The following FAF2 variants were observed in gnomAD, a reference collection of about 807,000 sequenced individuals.
FAF2 encodes the protein Fas associated factor family member 2.
In FAF2, 9 loss-of-function variants were observed where a neutral mutation model predicts 62.3. That is an observed-to-expected ratio of 0.14 (90% CI 0.09 to 0.25). The LOEUF is 0.25. Ranked by LOEUF, FAF2 falls within the 10% of genes least tolerant of loss-of-function variation. FAF2 has a pLI of 1.00. For missense variants in FAF2, 368 were observed against 556.2 expected, an observed-to-expected ratio of 0.66 and a Z score of 3.40; for synonymous variants, 202 against 198.0, an observed-to-expected ratio of 1.02 and a Z score of -0.17.
At chr5:176,461,872 C>G (rs1354404662) in intron 1 of FAF2, among the ~76,000 whole-genome samples, 1 of 152,134 alleles carries the variant, frequency 6.6e-6, no homozygotes, top group Non-Finnish European at 1.5e-5. Context: ...AAATTCTTTG[C>G]CAAGACCAAT....
chr5:176,454,577 G>GAAAAAAAAAAAAAAAAAA (rs56324116), intron 1 of FAF2, among the ~76,000 whole-genome samples: 2 of 95,326 alleles, frequency 2.1e-5, no homozygotes, highest in African/African-American at 4.3e-5. Flanking sequence ...GATTCTGTCT[G>GAAAAAAAAAAAAAAAAAA]AAAAAAAAAA....
chr5:176,477,059 C>T (rs1346411585), intron 1 of FAF2, among the ~76,000 whole-genome samples: 34 of 150,774 alleles, frequency 2.3e-4, no homozygotes, highest in Admixed American at 9.3e-4. Context: ...CCGCCCGCCT[C>T]GGCCTCCCAA....
chr5:176,459,454 A>G (rs1268373632), intron 1 of FAF2, among the ~76,000 whole-genome samples: 1 of 151,778 alleles, frequency 6.6e-6, no homozygotes, highest in Non-Finnish European at 1.5e-5. Flanking sequence ...TTGTAGAGAC[A>G]TGGTCTCATT....
intron 1 of FAF2, among the ~76,000 whole-genome samples, chr5:176,467,339 G>A (rs114935968): frequency 1.3e-5 from 2 of 151,236 alleles, no homozygotes; most frequent in African/African-American, 4.9e-5. Flanking sequence ...GGTTTTTTTT[G>A]GTTTTTTTTT....
rs763875090 is a variant in FAF2 at position 176,448,413 on chromosome 5, G to A, written c.6G>A (p.Ala2=). The change falls in exon 1 of 11, where the codon GCG becomes GCA. Residue 2 remains alanine (A), a synonymous_variant. Transcript: ENST00000261942. M[A]APEERDLTQE... ...AGCGTAGAGGCGGCGGCAAAATGGC[G>A]GCGCCTGAGGAGCGGGATCTAACCC... 1.7e-5 allele frequency: 27 copies of A among 1,605,964 alleles called. No individual in the cohort carries two copies. The South Asian group carries it at 2.8e-4, about 17-fold the overall frequency.
chr5:176,496,414 T>C (rs538717974), intron 7 of FAF2, 72 bp from the exon 8 acceptor site: 5 of 1,224,206 alleles, frequency 4.1e-6, no homozygotes, highest in Admixed American at 5.3e-5. Flanking sequence ...CTCTCACTCA[T>C]TGTGGAAAGT....
intron 10 of FAF2, among the ~76,000 whole-genome samples, chr5:176,500,453 T>G (rs1276385084): frequency 6.6e-6 from 1 of 152,182 alleles, no homozygotes; most frequent in African/African-American, 2.4e-5. Flanking sequence ...TGTTTGAAGA[T>G]GGGAGGCTCT....
intron 1 of FAF2, among the ~76,000 whole-genome samples, chr5:176,449,636 A>G (rs1758131061): frequency 6.6e-6 from 1 of 152,178 alleles, no homozygotes; most frequent in African/African-American, 2.4e-5. Flanking sequence ...TATGGATGTT[A>G]GAAGGGCCTT....
chr5:176,498,902 A>C lies in FAF2; in HGVS notation c.840-12A>C. 6.5e-7 allele frequency: 1 copy of C among 1,541,718 alleles called. No individual in the cohort carries two copies. The highest frequency in any genetic ancestry group is 8.8e-7 in the Non-Finnish European group (1 of 1,141,926). Reference sequence around the variant, plus strand: ...TGCTGTTTTTCTTCTCTTGCTTTTGATCTATTCACAGGGAAGAAAGAAACC... The same window carrying C: ...TGCTGTTTTTCTTCTCTTGCTTTTGCTCTATTCACAGGGAAGAAAGAAACC... On this transcript the variant is annotated splice_polypyrimidine_tract_variant and intron_variant, in intron 8 of 10. Coordinates refer to ENST00000261942, the MANE Select transcript of FAF2 (RefSeq NM_014613.3).
At chr5:176,471,375 CTTTTTTTTTTTTT>C (rs138149987) in intron 1 of FAF2, among the ~76,000 whole-genome samples, 1 of 97,624 alleles carries the variant, frequency 1.0e-5, no homozygotes, top group African/African-American at 4.1e-5. Flanking sequence ...TCTGTACATT[CTTTTTTTTTTTTT>C]TTTTTTTTTT....
intron 10 of FAF2, among the ~76,000 whole-genome samples, chr5:176,503,471 C>T (rs1755627554): frequency 6.6e-6 from 1 of 151,418 alleles, no homozygotes; most frequent in African/African-American, 2.4e-5. Flanking sequence ...TGCAGAATCG[C>T]TTGAACCTGG....
intron 3 of FAF2, among the ~76,000 whole-genome samples, chr5:176,488,565 G>A (rs777115876): frequency 6.6e-5 from 10 of 151,928 alleles, no homozygotes; most frequent in Admixed American, 2.0e-4. Context: ...TGGGACTACA[G>A]GTGCATGCCA....
intron 1 of FAF2, among the ~76,000 whole-genome samples, chr5:176,456,978 G>A (rs780275506): frequency 2.0e-5 from 3 of 152,148 alleles, no homozygotes; most frequent in Admixed American, 1.3e-4. Flanking sequence ...GACAAGTACA[G>A]ACACTTATTA....
chr5:176,464,609 C>A (rs964103836), intron 1 of FAF2, among the ~76,000 whole-genome samples: 1 of 151,434 alleles, frequency 6.6e-6, no homozygotes, highest in African/African-American at 2.4e-5. Context: ...CCTCCCACAT[C>A]AGCCTCCCAA....
At chr5:176,498,781 C>A in intron 8 of FAF2, 133 bp from the exon 9 acceptor site, 1 of 758,152 alleles carries the variant, frequency 1.3e-6, no homozygotes, top group Non-Finnish European at 1.9e-6. Flanking sequence ...TCCCTTATGG[C>A]AGTGTGAAAT....
At chr5:176,499,363 A>G (rs918448867) in intron 9 of FAF2, among the ~76,000 whole-genome samples, 2 of 152,250 alleles carry the variant, frequency 1.3e-5, no homozygotes, top group South Asian at 2.1e-4. Flanking sequence ...CTGACCTCAC[A>G]TGATCTGCCT....
intron 2 of FAF2, among the ~76,000 whole-genome samples, chr5:176,482,531 C>A (rs1758799860): frequency 6.6e-6 from 1 of 151,950 alleles, no homozygotes. Context: ...TTTTTTGAGA[C>A]AGGATTTCTC....
In FAF2 at chr5:176,506,950, A is replaced by C; in HGVS notation, c.1338A>C (p.Ter446CysextTer13). ...VLFVQDLTDE* is the reference protein window; with the variant it reads ...VLFVQDLTDEC The stretch of plus-strand genomic sequence containing the variant: ...TTGTTCAGGACCTAACTGACGAATG[A>C]CATTTTTTTCTTCCTGTCCCCTCCT... The change falls in exon 11 of 11, where the codon TGA (stop) becomes TGC (cysteine). Residue 446 changes from the stop codon to cysteine, a stop_lost. Coordinates refer to ENST00000261942, the MANE Select transcript of FAF2 (RefSeq NM_014613.3). The C allele has an allele frequency of 6.6e-7, 1 of 1,516,312 alleles. No individual in the cohort carries two copies. Among genetic ancestry groups the C allele is most frequent in the Non-Finnish European group, 8.9e-7 (1 of 1,122,178 alleles). 93.9% of individuals were successfully genotyped at this position (1,516,312 alleles called of 1,614,324 possible). A position where few individuals can be genotyped will look rare whatever the true frequency, so the allele number is the denominator to read the frequency against.
intron 5 of FAF2, among the ~76,000 whole-genome samples, chr5:176,493,219 C>T (rs1045073590): frequency 1.3e-5 from 2 of 152,218 alleles, no homozygotes; most frequent in African/African-American, 4.8e-5. Flanking sequence ...CATTTTCCCA[C>T]ATCTGCTTTT....
Sources: allele counts gnomAD v4.1 joint callset (sites outside exome capture counted in the v4.1 genomes callset), GRCh38; gene constraint gnomAD v4.1.1; transcripts MANE v1.5; gene names NCBI Gene and HGNC (gene_info 2026-07-23, HGNC 2026-07-21).